The following HDGFL3 variants were observed in gnomAD, a reference collection of about 807,000 sequenced individuals.
HDGFL3 encodes hepatoma-derived growth factor-related protein 3.
A neutral mutation model predicts 27.6 loss-of-function variants in HDGFL3; 6 were observed. The observed-to-expected ratio is 0.22, with a 90% confidence interval of 0.12 to 0.43. The LOEUF is 0.43. HDGFL3 is among the 20% of genes least tolerant of loss of function. The pLI is 1.00. For synonymous variants in HDGFL3, 88 were observed against 88.9 expected (o/e 0.99, Z 0.05); for missense variants, 207 against 250.1 (o/e 0.83, Z 1.16).
At chr15:83,161,257 G>C (rs2037098055) in intron 2 of HDGFL3, among the ~76,000 whole-genome samples, 1 of 152,058 alleles carries the variant, frequency 6.6e-6, no homozygotes, top group Non-Finnish European at 1.5e-5. Context: ...TGTAGCTTTG[G>C]CTTCCAGGCT....
chr15:83,113,066 CCT>C, exon 4 of HDGFL3: 1 of 634,530 alleles, frequency 1.6e-6, no homozygotes, highest in Non-Finnish European at 2.8e-6. Flanking sequence ...CTGGCTATTG[CCT>C]CTCAGGCAGT....
rs369796426 is a variant in HDGFL3 at position 83,207,322 on chromosome 15, G to A, written c.84+9C>T. On this transcript the variant is annotated intron_variant, in intron 1 of 5. Coordinates refer to ENST00000299633, the MANE Select transcript of HDGFL3 (RefSeq NM_016073.4). This position sits in a 1 kb window ranked among gnomAD's most constrained non-coding sequence, Gnocchi z 4.8. ...GGCGGGCGGGCCCGCGCGCGGCCGCGGTACTCACCCGGGCCGGCCAGTGCG... is the reference window on the plus strand; with the variant it reads ...GGCGGGCGGGCCCGCGCGCGGCCGCAGTACTCACCCGGGCCGGCCAGTGCG... 3 of 1,361,938 alleles carry A rather than the reference G, an allele frequency of 2.2e-6. No homozygotes were observed. The highest frequency in any genetic ancestry group is 2.9e-6 in the Non-Finnish European group (3 of 1,052,488). 84.4% of individuals were successfully genotyped at this position (1,361,938 alleles called of 1,614,324 possible).
At position 83,136,860 on chromosome 15, in the gene HDGFL3, G is replaced by T; in HGVS notation, c.*2410C>A. The T allele has an allele frequency of 9.8e-6, 4 of 408,610 alleles. No individual in the cohort carries two copies. Among genetic ancestry groups the T allele is most frequent in the Non-Finnish European group, 1.7e-5 (4 of 229,704 alleles). The allele number at this position is 408,610 out of a possible 1,614,324, so 25.3% of individuals were successfully genotyped here. On this transcript the variant is annotated 3_prime_UTR_variant, in exon 6 of 6. Coordinates refer to ENST00000299633, the MANE Select transcript of HDGFL3 (RefSeq NM_016073.4). ...TTTGAAGGAAAATGGAAATTCTTGA[G>T]AAACAGTTTGTTTAAAGAAATATAT... is the stretch of plus-strand genomic sequence containing the variant.
intron 1 of HDGFL3, among the ~76,000 whole-genome samples, chr15:83,183,564 C>G (rs2037405391): frequency 6.6e-6 from 1 of 152,086 alleles, no homozygotes. Context: ...AAGTCGAGAA[C>G]AGCCTGGCCA....
chr15:83,192,252 C>T (rs1028718392), intron 1 of HDGFL3: 4 of 454,058 alleles, frequency 8.8e-6, no homozygotes, highest in African/African-American at 4.0e-5. Flanking sequence ...TGTAACTCAC[C>T]TCTTTCTAAG....
chr15:83,115,827 C>G, intron 3 of HDGFL3: 1 of 1,581,630 alleles, frequency 6.3e-7, no homozygotes, highest in East Asian at 2.2e-5. Flanking sequence ...TTTTAAACTG[C>G]TGCTTTCTTT....
chr15:83,123,309 T>C (rs1408282965), downstream of HDGFL3, among the ~76,000 whole-genome samples: 4 of 152,142 alleles, frequency 2.6e-5, no homozygotes, highest in Non-Finnish European at 4.4e-5. Context: ...TACACAGCCA[T>C]ACAATCTTGA....
At position 83,163,877 on chromosome 15, in the gene HDGFL3, T is replaced by C. The variant is rs1596554010; in HGVS notation, c.161+122A>G. 2.1e-5 allele frequency: 14 copies of C among 674,460 alleles called. No individual in the cohort carries two copies. The East Asian group carries it at 3.9e-4, about 19-fold the overall frequency. 41.8% of individuals were successfully genotyped at this position (674,460 alleles called of 1,614,324 possible). The stretch of plus-strand genomic sequence containing the variant: ...ATTAACAAAAATACATTATTAACTT[T>C]GGCAATTTTATATAACTGATTATAA... On this transcript the variant is annotated intron_variant, in intron 2 of 5. Transcript: ENST00000299633.
In HDGFL3 at chr15:83,131,458, C is replaced by A. The variant is rs2036243843; in HGVS notation, c.*7812G>T. ...CCAGCCTGGCCAACATGACGAAACC[C>A]CGTCTCTACTAAAAATACAAAAAAT... is the stretch of plus-strand genomic sequence containing the variant. On this transcript the variant is annotated 3_prime_UTR_variant, in exon 6 of 6. Coordinates refer to ENST00000299633, the MANE Select transcript of HDGFL3 (RefSeq NM_016073.4). 1 of 152,200 alleles carries A rather than the reference C, an allele frequency of 6.6e-6. No homozygotes were observed. Among genetic ancestry groups the A allele is most frequent in the Non-Finnish European group, 1.5e-5 (1 of 68,154 alleles). The allele number at this position is 152,200 out of a possible 1,614,324, so 9.4% of individuals were successfully genotyped here.
At chr15:83,169,414 C>CAAAAAAAAAAAAACAA (rs2037216221) in intron 1 of HDGFL3, among the ~76,000 whole-genome samples, 1 of 35,570 alleles carries the variant, frequency 2.8e-5, no homozygotes, top group Admixed American at 4.9e-4. Context: ...GACTCCGTCT[C>CAAAAAAAAAAAAACAA]AAAAAAAAAA....
At chr15:83,185,783 T>C (rs1267624656) in intron 1 of HDGFL3, among the ~76,000 whole-genome samples, 3 of 151,348 alleles carry the variant, frequency 2.0e-5, no homozygotes, top group Admixed American at 6.6e-5. Context: ...TAAAATCCCC[T>C]GTCCTTGAGT....
At chr15:83,165,794 C>CAAAAAAAAAAAAAAAAAAAAA (rs57873221) in intron 1 of HDGFL3, among the ~76,000 whole-genome samples, 1 of 13,848 alleles carries the variant, frequency 7.2e-5, no homozygotes, top group Non-Finnish European at 1.8e-4. Flanking sequence ...GAATCCATCT[C>CAAAAAAAAAAAAAAAAAAAAA]AAAAAAAAAA....
In HDGFL3 at chr15:83,163,965, G is replaced by C. The variant is rs751581548; in HGVS notation, c.161+34C>G. 2.9e-6 allele frequency: 4 copies of C among 1,371,766 alleles called. No individual in the cohort carries two copies. In the Admixed American group the frequency reaches 5.1e-5, roughly 17 times the overall value. The allele number at this position is 1,371,766 out of a possible 1,614,324, so 85.0% of individuals were successfully genotyped here. On this transcript the variant is annotated intron_variant, in intron 2 of 5. Coordinates refer to ENST00000299633, the MANE Select transcript of HDGFL3 (RefSeq NM_016073.4). ...TAACAATGTAGCATAGCAGAGTCAA[G>C]CTAGAGCTGTTGAAACTATTTTTGC...
At chr15:83,189,494 G>A (rs551207300) in intron 1 of HDGFL3, 1 of 152,336 alleles carries the variant, frequency 6.6e-6, no homozygotes, top group South Asian at 2.1e-4. Flanking sequence ...CTGCTGAAGT[G>A]TCACATTTTC....
downstream of HDGFL3, among the ~76,000 whole-genome samples, chr15:83,125,688 T>C (rs1054273830): frequency 2.6e-5 from 4 of 152,248 alleles, no homozygotes; most frequent in African/African-American, 4.8e-5. Context: ...TCAGTGACAA[T>C]TTCTATTCGA....
intron 1 of HDGFL3, among the ~76,000 whole-genome samples, chr15:83,203,207 G>C (rs1384607708): frequency 6.6e-6 from 1 of 152,064 alleles, no homozygotes; most frequent in South Asian, 2.1e-4. Context: ...TGACCTTTTA[G>C]AGTAGGGGGT....
chr15:83,185,252 G>T (rs138962727), intron 1 of HDGFL3, among the ~76,000 whole-genome samples: 1,944 of 152,264 alleles, frequency 0.013, 50 homozygotes, highest in African/African-American at 0.046. Flanking sequence ...TCGAACTCCT[G>T]ACCTCAGGCA....
At chr15:83,119,956 A>G (rs1326908607) in intron 3 of HDGFL3, 5 of 354,656 alleles carry the variant, frequency 1.4e-5, no homozygotes, top group Middle Eastern at 8.1e-4. Flanking sequence ...ATTTTCAGCA[A>G]TTAAAGCTAA....
chr15:83,186,329 T>C (rs1380962268), intron 1 of HDGFL3, among the ~76,000 whole-genome samples: 2 of 152,216 alleles, frequency 1.3e-5, no homozygotes, highest in African/African-American at 4.8e-5. Flanking sequence ...ACAAGTGTGT[T>C]CATGATTCAG....
Sources: gnomAD v4.1 joint callset for allele counts (sites outside exome capture counted in the v4.1 genomes callset) on GRCh38, gnomAD v4.1.1 for gene constraint, Gnocchi (gnomAD v3.1) non-coding constraint, MANE v1.5 for transcripts, NCBI Gene and HGNC (gene_info 2026-07-23, HGNC 2026-07-21) for gene names.